Variants in HCRTR2 observed in about 807,000 individuals in gnomAD.
HCRTR2 encodes the protein orexin receptor type 2.
In HCRTR2, 22 loss-of-function variants were observed where a neutral mutation model predicts 49.0. The observed-to-expected ratio is 0.45, with a 90% CI of 0.32 to 0.64. The LOEUF is 0.64. HCRTR2 is among the 30% of genes least tolerant of loss of function. The pLI is 0.04. For synonymous variants in HCRTR2, 236 were observed against 205.3 expected (o/e 1.15, Z -1.28); for missense variants, 491 against 559.4 (o/e 0.88, Z 1.23).
intron 1 of HCRTR2, among the ~76,000 whole-genome samples, chr6:55,245,120 A>G (rs879363812): frequency 1.3e-5 from 2 of 151,572 alleles, no homozygotes; most frequent in African/African-American, 2.4e-5. Context: ...AGCTTTGTTC[A>G]TTTTGCTTAA....
chr6:55,155,038 TG>T (rs1160741124), intron 1 of HCRTR2, among the ~76,000 whole-genome samples: 1 of 151,840 alleles, frequency 6.6e-6, no homozygotes, highest in African/African-American at 2.4e-5. Flanking sequence ...GAAAGACTTG[TG>T]TACTGAAAAC....
chr6:55,227,648 G>A (rs1460663612), intron 1 of HCRTR2, among the ~76,000 whole-genome samples: 1 of 152,092 alleles, frequency 6.6e-6, no homozygotes, highest in Non-Finnish European at 1.5e-5. Context: ...GTATCAGTCT[G>A]AGAACAGCTA....
At chr6:55,271,115 A>G (rs1368668326) in intron 4 of HCRTR2, among the ~76,000 whole-genome samples, 2 of 152,174 alleles carry the variant, frequency 1.3e-5, no homozygotes, top group Non-Finnish European at 2.9e-5. Flanking sequence ...TGAAAAAGAA[A>G]TGGAAAACTT....
intron 1 of HCRTR2, among the ~76,000 whole-genome samples, chr6:55,241,627 G>T (rs1475505850): frequency 6.6e-6 from 1 of 151,908 alleles, no homozygotes; most frequent in East Asian, 1.9e-4. Context: ...AAAATAATTT[G>T]AATTGCATAT....
intron 1 of HCRTR2, among the ~76,000 whole-genome samples, chr6:55,195,389 T>C (rs1765391002): frequency 6.6e-6 from 1 of 152,024 alleles, no homozygotes; most frequent in Non-Finnish European, 1.5e-5. Flanking sequence ...AAACTAAAAA[T>C]AGCTTAAATT....
chr6:55,136,469 A>G (rs1268609563), intron 1 of HCRTR2, among the ~76,000 whole-genome samples: 5 of 152,210 alleles, frequency 3.3e-5, no homozygotes, highest in Non-Finnish European at 7.4e-5. Flanking sequence ...CAATTGGGAA[A>G]TCACAATTAC....
intron 1 of HCRTR2, among the ~76,000 whole-genome samples, chr6:55,231,348 T>A (rs951864127): frequency 6.7e-6 from 1 of 149,742 alleles, no homozygotes; most frequent in African/African-American, 2.6e-5. Flanking sequence ...ACTAATACTC[T>A]CTTTTAAGAG....
intron 1 of HCRTR2, among the ~76,000 whole-genome samples, chr6:55,135,504 TC>T (rs2127250035): frequency 6.6e-6 from 1 of 152,198 alleles, no homozygotes; most frequent in South Asian, 2.1e-4. Context: ...TTATCTCTCC[TC>T]TCACAAACTC....
chr6:55,283,061 C>G (rs1394115135), downstream of HCRTR2, among the ~76,000 whole-genome samples: 1 of 152,174 alleles, frequency 6.6e-6, no homozygotes, highest in African/African-American at 2.4e-5. Context: ...GCTAACATTT[C>G]TTGTCTCAAC....
intron 1 of HCRTR2, among the ~76,000 whole-genome samples, chr6:55,185,797 A>G (rs55873439): frequency 0.16 from 24,110 of 152,198 alleles, 2,135 homozygotes; most frequent in Admixed American, 0.27. Context: ...CATCCTTTGG[A>G]TGATTGATCA....
At chr6:55,138,078 G>A (rs1439706075) in intron 1 of HCRTR2, among the ~76,000 whole-genome samples, 4 of 152,028 alleles carry the variant, frequency 2.6e-5, no homozygotes, top group Admixed American at 6.6e-5. Flanking sequence ...ATGATTAGGA[G>A]CAATGATCAC....
intron 3 of HCRTR2, among the ~76,000 whole-genome samples, chr6:55,262,914 G>T (rs865816457): frequency 6.6e-6 from 1 of 150,990 alleles, no homozygotes; most frequent in African/African-American, 2.4e-5. Flanking sequence ...TATCATTTGT[G>T]TACATAGGAT....
intron 1 of HCRTR2, among the ~76,000 whole-genome samples, chr6:55,194,116 G>T (rs1320480504): frequency 3.3e-5 from 5 of 152,120 alleles, no homozygotes; most frequent in Non-Finnish European, 7.4e-5. Context: ...AATAAACATT[G>T]TGTCCTACAT....
chr6:55,184,677 C>G (rs1765187928), intron 1 of HCRTR2, among the ~76,000 whole-genome samples: 1 of 152,216 alleles, frequency 6.6e-6, no homozygotes, highest in African/African-American at 2.4e-5. Context: ...ACACACTTCA[C>G]AATTTCTAAA....
chr6:55,180,576 G>A (rs1408241762), intron 1 of HCRTR2, among the ~76,000 whole-genome samples: 1 of 151,996 alleles, frequency 6.6e-6, no homozygotes, highest in Non-Finnish European at 1.5e-5. Context: ...TGTTCAGGGG[G>A]TTGACTCACT....
intron 1 of HCRTR2, among the ~76,000 whole-genome samples, chr6:55,201,959 G>A (rs1267689314): frequency 6.6e-6 from 1 of 152,048 alleles, no homozygotes. Context: ...GAATAATGAA[G>A]TTATTCAAGA....
chr6:55,219,363 G>A (rs9475203), intron 1 of HCRTR2, among the ~76,000 whole-genome samples: 4,212 of 152,068 alleles, frequency 0.028, 191 homozygotes, highest in African/African-American at 0.096. Flanking sequence ...TGAACACAGT[G>A]GAATGAAACT....
intron 1 of HCRTR2, among the ~76,000 whole-genome samples, chr6:55,175,516 T>G (rs1398330847): frequency 6.6e-6 from 1 of 152,142 alleles, no homozygotes; most frequent in Non-Finnish European, 1.5e-5. Flanking sequence ...CCAAATATTT[T>G]TTTTTTTCAG....
intron 1 of HCRTR2, among the ~76,000 whole-genome samples, chr6:55,221,609 C>T (rs61006026): frequency 0.17 from 25,286 of 151,712 alleles, 3,548 homozygotes; most frequent in African/African-American, 0.37. Flanking sequence ...GTCAGAAGAT[C>T]GAGACCATCC....
Sources: gnomAD v4.1 joint callset for allele counts (sites outside exome capture counted in the v4.1 genomes callset) on GRCh38, gnomAD v4.1.1 for gene constraint, MANE v1.5 for transcripts, NCBI Gene and HGNC (gene_info 2026-07-23, HGNC 2026-07-21) for gene names.